Variants in SEM1 observed in about 807,000 individuals in gnomAD.
The protein encoded by SEM1 is 26S proteasome complex subunit SEM1.
Under a neutral mutation model 12.7 loss-of-function variants are expected in SEM1, and 3 were observed. The observed-to-expected ratio is 0.24, with a 90% CI of 0.11 to 0.61. The LOEUF (loss-of-function observed/expected upper bound fraction) is 0.61. SEM1 is among the 20% of genes least tolerant of loss of function. SEM1 has a pLI of 0.88. For missense variants in SEM1, 59 were observed against 81.3 expected (o/e 0.73, Z 1.06); for synonymous variants, 30 against 27.8 (o/e 1.08, Z -0.25).
At chr7:96,499,568 C>T (rs1194982250), upstream of SEM1, among the ~76,000 whole-genome samples, 2 of 152,160 alleles carry the variant, frequency 1.3e-5, no homozygotes, top group Non-Finnish European at 2.9e-5. Flanking sequence ...AAATGTGATG[C>T]TGTGCACATT....
At chr7:96,585,076 G>T (rs978536305) in intron 2 of SEM1, among the ~76,000 whole-genome samples, 2 of 152,032 alleles carry the variant, frequency 1.3e-5, no homozygotes, top group Non-Finnish European at 2.9e-5. Context: ...TTTCTGCTCT[G>T]TTTTTTCCCC....
intron 2 of SEM1, chr7:96,645,264 G>A (rs572044576): frequency 1.3e-5 from 2 of 152,718 alleles, no homozygotes; most frequent in African/African-American, 2.4e-5. Context: ...AGAATGGGAA[G>A]GTTTTTGCCC....
chr7:96,496,041 C>G (rs981942557), intron 1 of SEM1, among the ~76,000 whole-genome samples: 1 of 152,120 alleles, frequency 6.6e-6, no homozygotes, highest in Non-Finnish European at 1.5e-5. Flanking sequence ...AGACAGCCTT[C>G]GAGATGCTGG....
At chr7:96,611,753 G>A (rs912851526) in intron 2 of SEM1, among the ~76,000 whole-genome samples, 1 of 152,086 alleles carries the variant, frequency 6.6e-6, no homozygotes, top group African/African-American at 2.4e-5. Flanking sequence ...TAAAGCAATT[G>A]GATCCCATTA....
At chr7:96,664,859 CA>C (rs1302857358) in intron 2 of SEM1, among the ~76,000 whole-genome samples, 7 of 152,178 alleles carry the variant, frequency 4.6e-5, no homozygotes, top group Non-Finnish European at 8.8e-5. Flanking sequence ...AAAAACCATA[CA>C]ATAGTGAAAT....
At chr7:96,701,701 TAAAA>T (rs371024064) in intron 1 of SEM1, among the ~76,000 whole-genome samples, 1 of 151,980 alleles carries the variant, frequency 6.6e-6, no homozygotes, top group Non-Finnish European at 1.5e-5. Context: ...TAATCTTACT[TAAAA>T]AAATCAATCC....
intron 2 of SEM1, among the ~76,000 whole-genome samples, chr7:96,573,109 G>GT (rs142630776): frequency 3.9e-4 from 53 of 135,972 alleles, no homozygotes; most frequent in South Asian, 3.0e-3. Context: ...TGCAACCCCT[G>GT]TTTTTTTTTT....
At chr7:96,510,249 A>G (rs1803895310) in intron 2 of SEM1, among the ~76,000 whole-genome samples, 1 of 152,138 alleles carries the variant, frequency 6.6e-6, no homozygotes, top group African/African-American at 2.4e-5. Flanking sequence ...TCACTTAACA[A>G]TGGGGATATG....
At chr7:96,531,006 A>G (rs759200644) in intron 2 of SEM1, among the ~76,000 whole-genome samples, 23 of 152,096 alleles carry the variant, frequency 1.5e-4, no homozygotes, top group East Asian at 3.9e-4. Flanking sequence ...AAACTGTTGC[A>G]ATAATCTGGG....
chr7:96,533,652 G>A (rs1200452703), intron 2 of SEM1, among the ~76,000 whole-genome samples: 1 of 151,934 alleles, frequency 6.6e-6, no homozygotes, highest in Non-Finnish European at 1.5e-5. Flanking sequence ...CTCCTTTGGT[G>A]TCCCTACAGG....
intron 3 of SEM1, chr7:96,484,078 A>G (rs1404536847): frequency 2.5e-6 from 3 of 1,196,896 alleles, no homozygotes; most frequent in African/African-American, 3.1e-5. Flanking sequence ...CAACAACCCT[A>G]TAGGGTAGAT....
At chr7:96,527,299 T>C (rs919536932) in intron 2 of SEM1, among the ~76,000 whole-genome samples, 4 of 152,132 alleles carry the variant, frequency 2.6e-5, no homozygotes, top group African/African-American at 9.7e-5. Context: ...GAGACTGATG[T>C]AAAAGTTCCA....
chr7:96,504,502 A>G (rs1017475731), intron 3 of SEM1, among the ~76,000 whole-genome samples: 25 of 152,270 alleles, frequency 1.6e-4, no homozygotes, highest in African/African-American at 5.8e-4. Context: ...TTTCATTTAC[A>G]TCTATACCTC....
In SEM1 at chr7:96,487,236, T is replaced by C. The variant is rs530743474; in HGVS notation, c.13-819A>G. On this transcript the variant is annotated intron_variant, in intron 1 of 3. Coordinates refer to the SEM1 transcript ENST00000356686. ...TTTTGATGGAAGCACTTTTTAAAAATCAAAGTTAATGCAAAATATCTACAG... is the reference window on the plus strand; with the variant it reads ...TTTTGATGGAAGCACTTTTTAAAAACCAAAGTTAATGCAAAATATCTACAG... Among the ~76,000 whole-genome samples, 2 of 150,032 alleles carry C rather than the reference T, an allele frequency of 1.3e-5. 1 individual carries two copies. The highest frequency in any genetic ancestry group is 1.3e-4 in the Admixed American group (2 of 15,218).
Position 96,567,889 on chromosome 7 carries a change from A to G in SEM1, c.171-61191T>C, listed in dbSNP as rs747156019. ...GTTGGCTAATATATTATTTTGGATCAATATTCACAAAATGACTGATACACA... is the reference window on the plus strand; with the variant it reads ...GTTGGCTAATATATTATTTTGGATCGATATTCACAAAATGACTGATACACA... On this transcript the variant is annotated intron_variant and NMD_transcript_variant, in intron 2 of 3. Coordinates refer to the SEM1 transcript ENST00000466986. 3.3e-5 allele frequency among the ~76,000 whole-genome samples: 5 copies of G among 151,404 alleles called. No homozygotes were observed. In the East Asian group the frequency reaches 5.8e-4, roughly 18 times the overall value.
chr7:96,652,259 T>C (rs1809023662), intron 2 of SEM1, among the ~76,000 whole-genome samples: 1 of 152,214 alleles, frequency 6.6e-6, no homozygotes, highest in South Asian at 2.1e-4. Context: ...TGGCTATTTG[T>C]ATTTCTTCTG....
intron 2 of SEM1, among the ~76,000 whole-genome samples, chr7:96,627,026 A>G (rs561156175): frequency 1.3e-5 from 2 of 152,148 alleles, no homozygotes; most frequent in East Asian, 3.9e-4. Context: ...GGTTTTATGC[A>G]TCTAGGAATT....
At chr7:96,523,920 C>G (rs891197715) in intron 2 of SEM1, among the ~76,000 whole-genome samples, 7 of 152,104 alleles carry the variant, frequency 4.6e-5, no homozygotes, top group Admixed American at 1.3e-4. Flanking sequence ...TTACGTTTAA[C>G]AAACTTTGTT....
chr7:96,673,592 C>A, exon 3 of SEM1: 1 of 618,444 alleles, frequency 1.6e-6, no homozygotes, highest in Admixed American at 2.5e-5. Context: ...TGGACCTTCA[C>A]CCAGGCTGCT....
Sources: gnomAD v4.1 joint callset for allele counts (sites outside exome capture counted in the v4.1 genomes callset) on GRCh38, gnomAD v4.1.1 for gene constraint, MANE v1.5 for transcripts, NCBI Gene and HGNC (gene_info 2026-07-23, HGNC 2026-07-21) for gene names.